Variants in FMN1 observed in about 807,000 individuals in gnomAD.
The protein encoded by FMN1 is formin 1, also known as formin-1.
Under a neutral mutation model 132.4 loss-of-function variants are expected in FMN1, and 110 were observed. The ratio of observed to expected loss-of-function variants is 0.83; its 90% CI spans 0.71 to 0.97. The LOEUF (loss-of-function observed/expected upper bound fraction) is 0.97, where lower values mean the gene tolerates loss of function less well. FMN1 is among the 50% of genes least tolerant of loss of function. The probability of loss-of-function intolerance (pLI) is 0.00; values close to 1 mark genes in which losing one functional copy is unlikely to be tolerated. For missense variants in FMN1, 1,792 were observed against 1,705.3 expected (o/e 1.05, Z -0.90); for synonymous variants, 722 against 651.7 (o/e 1.11, Z -1.64).
intron 10 of FMN1, among the ~76,000 whole-genome samples, chr15:32,921,694 G>C (rs1438667987): frequency 1.2e-5 from 1 of 83,252 alleles, no homozygotes; most frequent in East Asian, 2.5e-4. Flanking sequence ...TTTTTTTTTC[G>C]AGATAAGAGT....
rs1962414231 is a variant in FMN1 at position 33,120,117 on chromosome 15, C to T, written c.1868-31143G>A. ...GGCACAGTTTGATTCAGGACTCTGACATCTATTTCCAAGGACATACCCAAG... is the reference window on the plus strand; with the variant it reads ...GGCACAGTTTGATTCAGGACTCTGATATCTATTTCCAAGGACATACCCAAG... On this transcript the variant is annotated intron_variant, in intron 4 of 20. Coordinates refer to ENST00000616417, the MANE Select transcript of FMN1 (RefSeq NM_001277313.2). Among the ~76,000 whole-genome samples the T allele has an allele frequency of 1.3e-5, 2 of 152,180 alleles. 1 individual carries two copies. The highest frequency in any genetic ancestry group is 4.1e-4 in the South Asian group (2 of 4,826).
chr15:33,157,229 C>T (rs1486190233), intron 3 of FMN1, among the ~76,000 whole-genome samples: 1 of 147,114 alleles, frequency 6.8e-6, no homozygotes. Flanking sequence ...CGCGCCACTG[C>T]ACTCCAGCCT....
intron 2 of FMN1, among the ~76,000 whole-genome samples, chr15:33,186,332 T>C (rs115135664): frequency 0.039 from 5,992 of 152,208 alleles, 375 homozygotes; most frequent in African/African-American, 0.14. Flanking sequence ...TCATGTTTCC[T>C]GAGACACTTT....
At position 32,969,170 on chromosome 15, in the gene FMN1, G is replaced by A. The variant is rs776121623; in HGVS notation, c.2531C>T (p.Pro844Leu). Residue 844 changes from proline to leucine, a missense_variant, in exon 8 of 21, where the codon CCA (proline) becomes CTA (leucine). Pro to Leu is a moderately conservative substitution (Grantham distance 98). Transcript: ENST00000616417. ...TGCATGGATGTCTTTGTGGTCATTTGGGGGTGAGAGCTGGCTTAAAGAGGA... is the reference window on the plus strand; with the variant it reads ...TGCATGGATGTCTTTGTGGTCATTTAGGGGTGAGAGCTGGCTTAAAGAGGA... ...NISSLSQLSP[P>L]NDHKDIHAAL... 2 of 1,613,916 alleles carry A rather than the reference G, an allele frequency of 1.2e-6. No homozygotes were observed. The highest frequency in any genetic ancestry group is 1.1e-5 in the South Asian group (1 of 91,076).
intron 9 of FMN1, among the ~76,000 whole-genome samples, chr15:32,955,220 T>G (rs1182749377): frequency 6.6e-6 from 1 of 152,216 alleles, no homozygotes; most frequent in Non-Finnish European, 1.5e-5. Context: ...ATCTTTATTT[T>G]TTAATCTCCA....
Position 32,769,418 on chromosome 15 carries a change from G to A in FMN1, c.*4892C>T, listed in dbSNP as rs1377160244. 1.3e-5 allele frequency: 2 copies of A among 152,228 alleles called. No homozygotes were observed. The highest frequency in any genetic ancestry group is 2.1e-4 in the South Asian group (1 of 4,830). 9.4% of individuals were successfully genotyped at this position (152,228 alleles called of 1,614,324 possible). On this transcript the variant is annotated 3_prime_UTR_variant, in exon 21 of 21. Coordinates refer to ENST00000616417, the MANE Select transcript of FMN1 (RefSeq NM_001277313.2). ...CAGTGCCTCTAATAAGGTGTCAACA[G>A]CGGACAGGTGTGCAGAAATGACACA...
At chr15:33,076,137 A>AG (rs1413689993) in intron 5 of FMN1, among the ~76,000 whole-genome samples, 3 of 152,210 alleles carry the variant, frequency 2.0e-5, no homozygotes, top group African/African-American at 7.2e-5. Flanking sequence ...GGTGGGTAGC[A>AG]GTCTTTAAAG....
At position 32,829,547 on chromosome 15, in the gene FMN1, G is replaced by A. The variant is rs116149793; in HGVS notation, c.3929-25215C>T. Reference sequence around the variant, plus strand: ...ATGGTGGGAATCTAATCAAGAGCCCGTGCCTTCCTTTGAGGCCAGTTTCCT... The same window carrying A: ...ATGGTGGGAATCTAATCAAGAGCCCATGCCTTCCTTTGAGGCCAGTTTCCT... On this transcript the variant is annotated intron_variant, in intron 17 of 20. Coordinates refer to ENST00000616417, the MANE Select transcript of FMN1 (RefSeq NM_001277313.2). Among the ~76,000 whole-genome samples, 499 of 152,308 alleles carry A rather than the reference G, an allele frequency of 3.3e-3. 2 individuals carry two copies. Among genetic ancestry groups the A allele is most frequent in the African/African-American group, 9.7e-3 (403 of 41,568 alleles).
At chr15:32,978,646 C>G (rs2032402397) in intron 7 of FMN1, among the ~76,000 whole-genome samples, 1 of 152,162 alleles carries the variant, frequency 6.6e-6, no homozygotes. Context: ...TATATGCAAG[C>G]TTAGAAGAAA....
chr15:33,048,024 A>G (rs1309193426), intron 6 of FMN1, among the ~76,000 whole-genome samples: 1 of 152,212 alleles, frequency 6.6e-6, no homozygotes, highest in Non-Finnish European at 1.5e-5. Flanking sequence ...CTTAAATCAA[A>G]TATTTTGAAA....
chr15:33,026,274 T>G (rs143421612), intron 6 of FMN1, among the ~76,000 whole-genome samples: 1 of 152,162 alleles, frequency 6.6e-6, no homozygotes, highest in Non-Finnish European at 1.5e-5. Flanking sequence ...AACACTGGTT[T>G]TAAAAATCTA....
At chr15:33,156,769 A>G (rs1013228698) in intron 3 of FMN1, among the ~76,000 whole-genome samples, 4 of 152,190 alleles carry the variant, frequency 2.6e-5, no homozygotes, top group African/African-American at 7.2e-5. Flanking sequence ...CAAAGCTGTC[A>G]ATATCCGCTG....
chr15:33,186,117 CAA>C (rs1254538833), intron 2 of FMN1, among the ~76,000 whole-genome samples: 1 of 151,116 alleles, frequency 6.6e-6, no homozygotes, highest in Non-Finnish European at 1.5e-5. Context: ...TCTTCTATTG[CAA>C]AGAGTTCTGT....
intron 9 of FMN1, among the ~76,000 whole-genome samples, chr15:32,959,043 C>CA (rs36081835): frequency 0.063 from 5,257 of 84,082 alleles, 154 homozygotes; most frequent in South Asian, 0.11. Context: ...AACACTGTCT[C>CA]AAAAAAAAAA....
At chr15:32,958,263 T>C (rs1332107270) in intron 9 of FMN1, among the ~76,000 whole-genome samples, 1 of 152,148 alleles carries the variant, frequency 6.6e-6, no homozygotes, top group Non-Finnish European at 1.5e-5. Flanking sequence ...GCTACTCTCA[T>C]TCATAAACTT....
At chr15:33,185,285 A>T (rs1187186387) in intron 2 of FMN1, among the ~76,000 whole-genome samples, 1 of 152,120 alleles carries the variant, frequency 6.6e-6, no homozygotes, top group Non-Finnish European at 1.5e-5. Flanking sequence ...TTTTTCATTT[A>T]TTTGGGAAAA....
At chr15:32,981,860 A>G (rs1401171926) in intron 7 of FMN1, among the ~76,000 whole-genome samples, 1 of 152,156 alleles carries the variant, frequency 6.6e-6, no homozygotes, top group Non-Finnish European at 1.5e-5. Flanking sequence ...TAAAAAATTC[A>G]TTTTTAAAAC....
chr15:33,090,168 C>T (rs186604727), intron 4 of FMN1, among the ~76,000 whole-genome samples: 76 of 152,266 alleles, frequency 5.0e-4, no homozygotes, highest in African/African-American at 1.2e-3. Context: ...GGTTTAGGCT[C>T]AGTGTATTTT....
intron 16 of FMN1, among the ~76,000 whole-genome samples, chr15:32,879,660 G>A (rs1024665334): frequency 5.3e-5 from 8 of 151,442 alleles, no homozygotes; most frequent in South Asian, 2.1e-4. Context: ...AAGTATGATC[G>A]GCTCCATTTT....
Sources: allele counts gnomAD v4.1 joint callset (sites outside exome capture counted in the v4.1 genomes callset), GRCh38; gene constraint gnomAD v4.1.1; transcripts MANE v1.5; gene names NCBI Gene and HGNC (gene_info 2026-07-23, HGNC 2026-07-21).